The following MYO1D variants were observed in gnomAD, a reference collection of about 807,000 sequenced individuals.
MYO1D encodes myosin ID.
A neutral mutation model predicts 122.0 loss-of-function variants in MYO1D; 83 were observed. The observed-to-expected ratio is 0.68, with a 90% CI of 0.57 to 0.82. The LOEUF (loss-of-function observed/expected upper bound fraction) is 0.82. MYO1D is among the 40% of genes least tolerant of loss of function. The pLI is 0.00. For synonymous variants in MYO1D, 464 were observed against 446.9 expected (o/e 1.04, Z -0.48); for missense variants, 1,157 against 1,269.5 (o/e 0.91, Z 1.35).
At chr17:32,733,160 T>A (rs2089660068) in intron 14 of MYO1D, among the ~76,000 whole-genome samples, 1 of 152,124 alleles carries the variant, frequency 6.6e-6, no homozygotes, top group East Asian at 1.9e-4. Context: ...GCAAGCTGAG[T>A]GCAGCCTGCG....
intron 21 of MYO1D, among the ~76,000 whole-genome samples, chr17:32,585,675 A>G (rs2087380465): frequency 6.6e-6 from 1 of 151,108 alleles, no homozygotes; most frequent in Non-Finnish European, 1.5e-5. Flanking sequence ...GGTTGCAGTG[A>G]GCTGAGATCG....
Position 32,712,168 on chromosome 17 carries a change from C to T in MYO1D, c.1941G>A (p.Trp647Ter). 1 of 1,613,634 alleles carries T rather than the reference C, an allele frequency of 6.2e-7. No individual in the cohort carries two copies. The highest frequency in any genetic ancestry group is 8.5e-7 in the Non-Finnish European group (1 of 1,179,774). Reference protein sequence around the residue: ...HRYKMISEFTWPNHDLPSDKE... With the variant: ...HRYKMISEFT ...TGTCTGAAGGAAGGTCATGGTTGGG[C>T]CAGGTGAATTCAGAGATCATCTTAT... The change falls in exon 16 of 22, where the codon TGG becomes TGA. Residue 647 changes from tryptophan (W) to a stop codon, truncating the protein, a stop_gained. Coordinates refer to ENST00000318217, the MANE Select transcript of MYO1D (RefSeq NM_015194.3). LOFTEE classifies it high-confidence loss of function.
intron 1 of MYO1D, among the ~76,000 whole-genome samples, chr17:32,786,450 C>A (rs1303599900): frequency 6.6e-6 from 1 of 152,174 alleles, no homozygotes; most frequent in East Asian, 1.9e-4. Context: ...GTTGGTGAGA[C>A]AGGGAATGAG....
chr17:32,834,370 C>T (rs941191328), intron 1 of MYO1D, among the ~76,000 whole-genome samples: 3 of 152,218 alleles, frequency 2.0e-5, no homozygotes, highest in Admixed American at 1.3e-4. Context: ...GTCCACTCCC[C>T]TGCCCCATAA....
intron 21 of MYO1D, among the ~76,000 whole-genome samples, chr17:32,592,868 A>G (rs2087453928): frequency 1.3e-5 from 2 of 152,200 alleles, no homozygotes; most frequent in South Asian, 4.1e-4. Flanking sequence ...AACCCCAACA[A>G]AACAAAACAA....
rs953171733 is a variant in MYO1D, at chr17:32,727,865, C to T, written c.1747-6676G>A. 4.6e-5 allele frequency among the ~76,000 whole-genome samples: 7 copies of T among 152,040 alleles called. No individual in the cohort carries two copies. The South Asian group carries it at 1.2e-3, about 27-fold the overall frequency. On this transcript the variant is annotated intron_variant, in intron 14 of 21. Coordinates refer to ENST00000318217, the MANE Select transcript of MYO1D (RefSeq NM_015194.3). ...AAGTAAAAGGATGAAAAAGATATACCATGCAAACTCTAGCCAAAAGAAAAG... is the reference window on the plus strand; with the variant it reads ...AAGTAAAAGGATGAAAAAGATATACTATGCAAACTCTAGCCAAAAGAAAAG...
At chr17:32,774,221 C>T (rs1345687614) in intron 4 of MYO1D, among the ~76,000 whole-genome samples, 15 of 152,290 alleles carry the variant, frequency 9.8e-5, no homozygotes, top group African/African-American at 3.4e-4. Context: ...TTTCTTTATC[C>T]GACCTCTCCC....
intron 1 of MYO1D, among the ~76,000 whole-genome samples, chr17:32,786,523 A>G (rs2090295801): frequency 6.6e-6 from 1 of 152,252 alleles, no homozygotes; most frequent in Admixed American, 6.5e-5. Context: ...ACCTACTCAA[A>G]GATGACAATC....
At chr17:32,727,460 T>C (rs2089590602) in intron 14 of MYO1D, 2 of 152,182 alleles carry the variant, frequency 1.3e-5, no homozygotes, top group African/African-American at 2.4e-5. Flanking sequence ...CCAAGACAGA[T>C]GCAATTTACT....
chr17:32,657,621 C>T (rs2088495787), intron 17 of MYO1D, among the ~76,000 whole-genome samples: 2 of 152,210 alleles, frequency 1.3e-5, no homozygotes, highest in Non-Finnish European at 2.9e-5. Context: ...ATGTAGCAGA[C>T]CTGTTAGTTT....
chr17:32,737,462 G>A (rs1244232160), intron 14 of MYO1D, among the ~76,000 whole-genome samples: 2 of 151,680 alleles, frequency 1.3e-5, no homozygotes, highest in African/African-American at 4.8e-5. Context: ...CCAGGCTCAA[G>A]CGATCCTCCC....
intron 21 of MYO1D, among the ~76,000 whole-genome samples, chr17:32,555,160 G>A (rs181450967): frequency 2.6e-5 from 4 of 152,172 alleles, no homozygotes; most frequent in East Asian, 1.9e-4. Flanking sequence ...AGGGCTTGTC[G>A]AATAAATGTA....
At chr17:32,540,884 C>T (rs912603878) in intron 21 of MYO1D, among the ~76,000 whole-genome samples, 8 of 148,722 alleles carry the variant, frequency 5.4e-5, no homozygotes, top group African/African-American at 2.0e-4. Flanking sequence ...CGAGATTGTG[C>T]CACTGCACTC....
At chr17:32,812,185 T>C (rs910552609) in intron 1 of MYO1D, among the ~76,000 whole-genome samples, 1 of 152,172 alleles carries the variant, frequency 6.6e-6, no homozygotes, top group Non-Finnish European at 1.5e-5. Context: ...GGAAACAAGA[T>C]CAAAGGATGG....
intron 16 of MYO1D, among the ~76,000 whole-genome samples, chr17:32,677,663 A>G (rs1312476931): frequency 6.6e-6 from 1 of 150,646 alleles, no homozygotes; most frequent in Non-Finnish European, 1.5e-5. Context: ...TGCAAAAGGC[A>G]TAAAGTATGA....
chr17:32,510,887 G>T (rs1159098412), intron 21 of MYO1D: 1 of 151,470 alleles, frequency 6.6e-6, no homozygotes, highest in Non-Finnish European at 1.5e-5. Context: ...TTTATGCCAG[G>T]CATAATGAAA....
intron 21 of MYO1D, among the ~76,000 whole-genome samples, chr17:32,570,136 C>G (rs1278602522): frequency 3.4e-5 from 5 of 145,370 alleles, no homozygotes; most frequent in African/African-American, 1.2e-4. Context: ...GCTGGAATCT[C>G]TAAGTTCCTT....
At chr17:32,642,539 G>A (rs1217632185) in intron 19 of MYO1D, among the ~76,000 whole-genome samples, 4 of 152,098 alleles carry the variant, frequency 2.6e-5, no homozygotes, top group East Asian at 3.8e-4. Context: ...CCATTTTCAC[G>A]ATATTGATTC....
At chr17:32,817,858 G>A (rs1018590087) in intron 1 of MYO1D, among the ~76,000 whole-genome samples, 1 of 152,016 alleles carries the variant, frequency 6.6e-6, no homozygotes, top group Admixed American at 6.5e-5. Flanking sequence ...CGGGCGCGGT[G>A]GCTCACGCCT....
Sources: gnomAD v4.1 joint callset for allele counts (sites outside exome capture counted in the v4.1 genomes callset) on GRCh38, gnomAD v4.1.1 for gene constraint, MANE v1.5 for transcripts, NCBI Gene and HGNC (gene_info 2026-07-23, HGNC 2026-07-21) for gene names.